The following HMCN1 variants were observed in gnomAD, a reference collection of about 807,000 sequenced individuals.
The protein encoded by HMCN1 is hemicentin 1, also known as hemicentin-1.
In HMCN1, 321 loss-of-function variants were observed where a neutral mutation model predicts 625.9. That is an observed-to-expected ratio of 0.51 (90% CI 0.47 to 0.56). HMCN1 has a LOEUF of 0.56. Among genes scored for constraint, HMCN1 ranks in the 20% least tolerant of loss-of-function variants. HMCN1 has a pLI of 0.00. For synonymous variants in HMCN1, 2,425 were observed against 2,417.6 expected (o/e 1.00, Z -0.09); for missense variants, 6,588 against 6,887.3 (o/e 0.96, Z 1.54).
chr1:185,895,835 C>T (rs16824668), intron 4 of HMCN1, among the ~76,000 whole-genome samples: 9,678 of 152,174 alleles, frequency 0.064, 1,083 homozygotes, highest in African/African-American at 0.22. Flanking sequence ...AGGATTTGCC[C>T]TTTCCTTGGT....
At chr1:186,047,485 G>T (rs1656654108) in intron 41 of HMCN1, among the ~76,000 whole-genome samples, 1 of 152,112 alleles carries the variant, frequency 6.6e-6, no homozygotes, top group South Asian at 2.1e-4. Flanking sequence ...TAATTAGTCA[G>T]TTAAAAGTAT....
chr1:185,975,536 C>G (rs189888372), intron 15 of HMCN1, among the ~76,000 whole-genome samples: 2 of 152,158 alleles, frequency 1.3e-5, no homozygotes, highest in Admixed American at 1.3e-4. Context: ...CCACCAGGCC[C>G]CTCCTCCAAA....
chr1:185,823,399 T>G (rs551992806), intron 1 of HMCN1, among the ~76,000 whole-genome samples: 1 of 152,276 alleles, frequency 6.6e-6, no homozygotes, highest in South Asian at 2.1e-4. Flanking sequence ...AGGCAACATA[T>G]AAAAAAATTG....
chr1:186,094,152 A>G, intron 66 of HMCN1, 124 bp from the exon 67 acceptor site: 1 of 789,778 alleles, frequency 1.3e-6, no homozygotes, highest in South Asian at 1.5e-5. Context: ...GATGGCTATA[A>G]GCTTCATAAT....
In HMCN1 at chr1:185,850,135, A is replaced by T. The variant is rs74133690; in HGVS notation, c.339+4039A>T. 7.2e-3 allele frequency among the ~76,000 whole-genome samples: 1,098 copies of T among 152,312 alleles called. 14 individuals are homozygous for T. Among genetic ancestry groups the T allele is most frequent in the African/African-American group, 0.024 (983 of 41,564 alleles). ...CTGTGCTTCATCTGGAAGATAAACC[A>T]GTGTCTGCAGTAGAGTAGACTTTCA... On this transcript the variant is annotated intron_variant, in intron 2 of 106. Transcript: ENST00000271588.
At position 186,128,679 on chromosome 1, in the gene HMCN1, G is replaced by A. The variant is rs148730395; in HGVS notation, c.12904+388G>A. Among the ~76,000 whole-genome samples the A allele has an allele frequency of 1.6e-4, 24 of 152,090 alleles. No individual in the cohort carries two copies. The East Asian group carries it at 4.6e-3, about 29-fold the overall frequency. The stretch of plus-strand genomic sequence containing the variant: ...AAGATTCACTTAATTTTACAGAGAA[G>A]AATTCTACTTCTCACTGTTTGCCTC... On this transcript the variant is annotated intron_variant, in intron 83 of 106. Transcript: ENST00000271588.
At chr1:186,132,512 C>A in intron 86 of HMCN1, 103 bp downstream of exon 86, 1 of 896,236 alleles carries the variant, frequency 1.1e-6, no homozygotes, top group Non-Finnish European at 1.8e-6. Flanking sequence ...TTAGTGGTAG[C>A]TCTCAGAGTG....
At chr1:186,134,977 T>A (rs1208896454) in intron 86 of HMCN1, among the ~76,000 whole-genome samples, 1 of 152,204 alleles carries the variant, frequency 6.6e-6, no homozygotes, top group Non-Finnish European at 1.5e-5. Flanking sequence ...CTTTCTATTC[T>A]GTTCATTGTC....
chr1:185,758,727 C>T (rs1655292841), intron 1 of HMCN1, among the ~76,000 whole-genome samples: 2 of 152,108 alleles, frequency 1.3e-5, no homozygotes, highest in Non-Finnish European at 2.9e-5. Context: ...TTCTTTTCCT[C>T]ATATTTTTCT....
At position 186,058,218 on chromosome 1, in the gene HMCN1, C is replaced by A. The variant is rs183888477; in HGVS notation, c.7312+817C>A. Among the ~76,000 whole-genome samples, 8 of 151,988 alleles carry A rather than the reference C, an allele frequency of 5.3e-5. No homozygotes were observed. In the East Asian group the frequency reaches 1.6e-3, roughly 29 times the overall value. On this transcript the variant is annotated intron_variant, in intron 46 of 106. Coordinates refer to ENST00000271588, the MANE Select transcript of HMCN1 (RefSeq NM_031935.3). ...GATCTCTTTGCACTTACGGTCAAACCAGTTATGAACTTATGGTGAAGTATA... is the reference window on the plus strand; with the variant it reads ...GATCTCTTTGCACTTACGGTCAAACAAGTTATGAACTTATGGTGAAGTATA...
intron 57 of HMCN1, among the ~76,000 whole-genome samples, chr1:186,083,830 C>A (rs10798036): frequency 7.9e-5 from 12 of 151,896 alleles, no homozygotes; most frequent in African/African-American, 2.9e-4. Flanking sequence ...TTTTAATTCC[C>A]GTTCTTAGCA....
chr1:186,011,439 C>A (rs191433951), intron 30 of HMCN1, among the ~76,000 whole-genome samples: 68 of 152,296 alleles, frequency 4.5e-4, no homozygotes, highest in African/African-American at 1.4e-3. Flanking sequence ...ATTTCACAGG[C>A]ATATTATTTT....
Position 185,989,562 on chromosome 1 carries a change from T to TGGAGG in HMCN1, c.3124_3128dup (p.Ser1046ArgfsTer23). 6.2e-7 allele frequency: 1 copy of TGGAGG among 1,614,096 alleles called. No individual in the cohort carries two copies. The highest frequency in any genetic ancestry group is 8.5e-7 in the Non-Finnish European group (1 of 1,179,962). On this transcript the variant is annotated frameshift_variant, in exon 21 of 107. Coordinates refer to ENST00000271588, the MANE Select transcript of HMCN1 (RefSeq NM_031935.3). LOFTEE classifies it high-confidence loss of function. Reference sequence around the variant, plus strand: ...ATGGTAGTCTGTATGTGGTATCACCTGGAGGAGAGGAGAGTGGGGAGTATG... The same window carrying TGGAGG: ...ATGGTAGTCTGTATGTGGTATCACCTGGAGGGGAGGAGAGGAGAGTGGGGAGTATG...
At chr1:186,062,400 G>A in intron 47 of HMCN1, 114 bp from the exon 48 acceptor site, 1 of 712,644 alleles carries the variant, frequency 1.4e-6, no homozygotes, top group Non-Finnish European at 2.5e-6. Context: ...TAATGAATGT[G>A]GATTGGGGGA....
At position 185,965,870 on chromosome 1, in the gene HMCN1, T is replaced by A; in HGVS notation, c.2167T>A (p.Cys723Ser). Reference protein sequence around the residue: ...VALGDITVMECKTSGIPPPQV... With the variant: ...VALGDITVMESKTSGIPPPQV... ...CCTTGGGGATATAACCGTTATGGAA[T>A]GCAAAACCTCTGGTATTCCTCCACC... Residue 723 changes from cysteine to serine, a missense_variant, in exon 14 of 107, where the codon TGC becomes AGC. Transcript: ENST00000271588. 1 of 1,611,606 alleles carries A rather than the reference T, an allele frequency of 6.2e-7. No homozygotes were observed. The highest frequency in any genetic ancestry group is 8.5e-7 in the Non-Finnish European group (1 of 1,177,856).
At chr1:185,782,866 G>A (rs1463620792) in intron 1 of HMCN1, among the ~76,000 whole-genome samples, 2 of 152,062 alleles carry the variant, frequency 1.3e-5, no homozygotes, top group Non-Finnish European at 2.9e-5. Flanking sequence ...GGCGTTCTCT[G>A]TATTTCCTGA....
At chr1:186,120,204 A>G in intron 80 of HMCN1, 59 bp downstream of exon 80, 1 of 1,542,434 alleles carries the variant, frequency 6.5e-7, no homozygotes, top group African/African-American at 1.4e-5. Context: ...ATGTCTACCA[A>G]ATATTTATAT....
intron 33 of HMCN1, among the ~76,000 whole-genome samples, chr1:186,017,689 T>C (rs182433340): frequency 6.6e-5 from 10 of 152,164 alleles, no homozygotes; most frequent in Admixed American, 5.9e-4. Flanking sequence ...CTATAGTTGT[T>C]TTAAGATTGT....
intron 6 of HMCN1, among the ~76,000 whole-genome samples, chr1:185,915,648 A>T (rs1350769104): frequency 6.6e-6 from 1 of 152,008 alleles, no homozygotes; most frequent in Non-Finnish European, 1.5e-5. Flanking sequence ...TTGGTTTTGG[A>T]TAGTTATGTT....
Sources: gnomAD v4.1 joint callset for allele counts (sites outside exome capture counted in the v4.1 genomes callset) on GRCh38, gnomAD v4.1.1 for gene constraint, MANE v1.5 for transcripts, NCBI Gene and HGNC (gene_info 2026-07-23, HGNC 2026-07-21) for gene names.